Variants in FANCA observed in about 807,000 individuals in gnomAD.
FANCA encodes the protein Fanconi anemia group A protein.
In FANCA, 236 loss-of-function variants were observed where a neutral mutation model predicts 194.3. The observed-to-expected ratio is 1.21, with a 90% CI of 1.09 to 1.35. The LOEUF (loss-of-function observed/expected upper bound fraction) is 1.35, where lower values mean the gene tolerates loss of function less well. Ranked by LOEUF, FANCA falls within the 40% of genes most tolerant of loss-of-function variation. The probability of loss-of-function intolerance (pLI) is 0.00; values close to 1 mark genes in which losing one functional copy is unlikely to be tolerated. For missense variants in FANCA, 2,628 were observed against 1,813.9 expected (o/e 1.45, Z -8.15); for synonymous variants, 1,014 against 715.8 (o/e 1.42, Z -6.65).
chr16:89,773,393 A>G lies in FANCA; in HGVS notation c.1901-9T>C, dbSNP rs886052486. ...CACTCCCAGGGCTGCATCTGTGAGA[A>G]GAAGGAAGAAACCAGATGGAAAGAC... is the stretch of plus-strand genomic sequence containing the variant. On this transcript the variant is annotated splice_polypyrimidine_tract_variant and intron_variant, in intron 21 of 42. Coordinates refer to ENST00000389301, the MANE Select transcript of FANCA (RefSeq NM_000135.4). 4.5e-6 allele frequency: 7 copies of G among 1,540,774 alleles called. No homozygotes were observed. The African/African-American group carries it at 8.2e-5, about 18-fold the overall frequency.
intron 21 of FANCA, among the ~76,000 whole-genome samples, chr16:89,773,868 G>C (rs893783817): frequency 6.6e-6 from 1 of 151,628 alleles, no homozygotes; most frequent in Non-Finnish European, 1.5e-5. Flanking sequence ...CGCCTCCCGG[G>C]TTCAAATCAT....
At chr16:89,748,604 G>A in intron 33 of FANCA, 55 bp downstream of exon 33, 1 of 1,378,924 alleles carries the variant, frequency 7.3e-7, no homozygotes, top group Non-Finnish European at 1.0e-6. Context: ...AAGAGCTGCT[G>A]TTAGCGCCAC....
At chr16:89,797,563 T>C (rs1443567323) in intron 10 of FANCA, among the ~76,000 whole-genome samples, 1 of 151,776 alleles carries the variant, frequency 6.6e-6, no homozygotes, top group Non-Finnish European at 1.5e-5. Flanking sequence ...CCACCAAGAC[T>C]GTTGGAGGAT....
intron 27 of FANCA, among the ~76,000 whole-genome samples, chr16:89,765,531 G>A (rs2039097467): frequency 6.6e-6 from 1 of 152,256 alleles, no homozygotes; most frequent in Admixed American, 6.5e-5. Flanking sequence ...CAGAATTGCA[G>A]GAACAAAACT....
chr16:89,762,665 G>C (rs888720024), intron 28 of FANCA: 6 of 318,506 alleles, frequency 1.9e-5, no homozygotes, highest in African/African-American at 1.3e-4. Flanking sequence ...AACAGGTTCT[G>C]TTGCCCAGGC....
intron 30 of FANCA, among the ~76,000 whole-genome samples, chr16:89,755,666 C>A (rs2038742750): frequency 6.6e-6 from 1 of 152,034 alleles, no homozygotes; most frequent in South Asian, 2.1e-4. Context: ...ATTTACAAAT[C>A]ATATATTTGA....
At chr16:89,744,585 A>T in intron 36 of FANCA, 4 of 345,022 alleles carry the variant, frequency 1.2e-5, no homozygotes, top group Admixed American at 4.0e-5. Context: ...AGCAGGTGCA[A>T]AGGAATCACT....
chr16:89,754,274 G>T (rs978409529), intron 30 of FANCA, among the ~76,000 whole-genome samples: 6 of 151,842 alleles, frequency 4.0e-5, no homozygotes, highest in African/African-American at 1.5e-4. Context: ...ACTGCCCGGG[G>T]AGTTCAAGCC....
intron 3 of FANCA, among the ~76,000 whole-genome samples, chr16:89,812,666 A>AAAAAAC (rs1256354674): frequency 8.8e-5 from 13 of 147,778 alleles, no homozygotes; most frequent in South Asian, 6.8e-4. Context: ...AAAAAAAAAA[A>AAAAAAC]AAAACTGTTA....
chr16:89,741,162 C>G (rs1049143476), intron 37 of FANCA, among the ~76,000 whole-genome samples: 2 of 152,220 alleles, frequency 1.3e-5, no homozygotes, highest in African/African-American at 2.4e-5. Context: ...GCAGTCCCAA[C>G]TCAGCATCAT....
intron 10 of FANCA, among the ~76,000 whole-genome samples, chr16:89,796,886 C>T (rs2040265843): frequency 6.6e-6 from 1 of 152,144 alleles, no homozygotes; most frequent in Non-Finnish European, 1.5e-5. Context: ...AGGCCAGGCG[C>T]ATTGGCTCAC....
chr16:89,781,651 G>A (rs1357460150), intron 17 of FANCA, among the ~76,000 whole-genome samples: 6 of 150,854 alleles, frequency 4.0e-5, no homozygotes, highest in Admixed American at 4.0e-4. Context: ...ACTCCAGCCA[G>A]GGCGACAGAG....
intron 2 of FANCA, among the ~76,000 whole-genome samples, chr16:89,815,604 C>A (rs1409863070): frequency 6.6e-6 from 1 of 152,132 alleles, no homozygotes; most frequent in Non-Finnish European, 1.5e-5. Flanking sequence ...GATCCACCCG[C>A]CTTGGCCTCC....
At chr16:89,742,734 A>G (rs1034358434) in intron 37 of FANCA, 66 bp downstream of exon 37, 63 of 1,575,012 alleles carry the variant, frequency 4.0e-5, no homozygotes, top group Non-Finnish European at 1.4e-5. Context: ...ACAAGCCCAG[A>G]GAAATAGCAC....
chr16:89,782,981 G>A lies in FANCA; in HGVS notation c.1566+26C>T, dbSNP rs770030689. 3.1e-6 allele frequency: 5 copies of A among 1,612,352 alleles called. No individual in the cohort carries two copies. In the East Asian group the frequency reaches 8.9e-5, roughly 29 times the overall value. On this transcript the variant is annotated intron_variant, in intron 16 of 42. Coordinates refer to ENST00000389301, the MANE Select transcript of FANCA (RefSeq NM_000135.4). ...GCAGTTTCTGCTGGGACAGGTGTGA[G>A]GAGTGGGCATGGAGGGACAGCTTGC...
intron 3 of FANCA, among the ~76,000 whole-genome samples, chr16:89,811,665 G>A (rs756527315): frequency 2.6e-5 from 4 of 152,150 alleles, no homozygotes; most frequent in Non-Finnish European, 5.9e-5. Flanking sequence ...GAAACGGTGG[G>A]CAACCTGGAA....
At chr16:89,770,045 G>A (rs2039268674) in intron 25 of FANCA, 21 bp from the exon 26 acceptor site, 1 of 1,610,538 alleles carries the variant, frequency 6.2e-7, no homozygotes, top group Non-Finnish European at 8.5e-7. Context: ...AATGAGGGTG[G>A]CAGAGCAGAC....
chr16:89,767,228 T>C lies in FANCA; in HGVS notation c.2514A>G (p.Thr838=). The change falls in exon 27 of 43, where the codon ACA becomes ACG. Residue 838 remains threonine, a synonymous_variant. Coordinates refer to ENST00000389301, the MANE Select transcript of FANCA (RefSeq NM_000135.4). ...DSLFFCLKFC[T]AAISYSLCKF... ...TGCAGAGAGAGTAAGAAATTGCTGC[T>C]GTACAAAATCTGAAAACAGAAATTA... The C allele has an allele frequency of 2.5e-6, 4 of 1,611,426 alleles. No individual in the cohort carries two copies. In the South Asian group the frequency reaches 4.4e-5, roughly 18 times the overall value.
intron 22 of FANCA, 98 bp from the exon 23 acceptor site, chr16:89,771,912 C>T (rs566909431): frequency 4.3e-6 from 6 of 1,406,888 alleles, no homozygotes; most frequent in African/African-American, 4.2e-5. Context: ...TACGATTCCA[C>T]GGATCCTGCT....
Sources: gnomAD v4.1 joint callset for allele counts (sites outside exome capture counted in the v4.1 genomes callset) on GRCh38, gnomAD v4.1.1 for gene constraint, MANE v1.5 for transcripts, NCBI Gene and HGNC (gene_info 2026-07-23, HGNC 2026-07-21) for gene names.